CORO6: variants seen among roughly 807,000 people sequenced by gnomAD.
CORO6 encodes the protein coronin-6.
In CORO6, 43 loss-of-function variants were observed where a neutral mutation model predicts 49.0. The ratio of observed to expected loss-of-function variants is 0.88; its 90% CI spans 0.69 to 1.13. The LOEUF (loss-of-function observed/expected upper bound fraction) is 1.13, where lower values mean the gene tolerates loss of function less well. Ranked by LOEUF, CORO6 falls within the 50% of genes most tolerant of loss-of-function variation. CORO6 has a pLI of 0.00. For synonymous variants in CORO6, 233 were observed against 256.5 expected, an observed-to-expected ratio of 0.91 and a Z score of 0.88; for missense variants, 650 against 647.0, an observed-to-expected ratio of 1.00 and a Z score of -0.05.
chr17:29,618,353 C>T, intron 5 of CORO6: 1 of 1,290,680 alleles, frequency 7.7e-7, no homozygotes, highest in Non-Finnish European at 9.8e-7. Context: ...CGAGGGTTGC[C>T]CCATCCCCCG....
intron 5 of CORO6, chr17:29,617,941 C>T: frequency 1.0e-6 from 1 of 977,268 alleles, no homozygotes; most frequent in Non-Finnish European, 1.4e-6. Context: ...CGAATGGGAG[C>T]TCCCCGCTCC....
chr17:29,622,814 G>C lies in CORO6; in HGVS notation c.-190C>G, dbSNP rs1185548792. The C allele has an allele frequency of 7.6e-7, 1 of 1,311,096 alleles. No homozygotes were observed. Among genetic ancestry groups the C allele is most frequent in the Admixed American group, 2.2e-5 (1 of 44,470 alleles). 81.2% of individuals were successfully genotyped at this position (1,311,096 alleles called of 1,614,324 possible). A position where few individuals can be genotyped will look rare whatever the true frequency, so the allele number is the denominator to read the frequency against. The stretch of plus-strand genomic sequence containing the variant: ...CTCTCCGGGTGTCTGTAGTATCTGG[G>C]ACCCGGGTGTCCAGCTCCGCACTCT... On this transcript the variant is annotated 5_prime_UTR_variant, in exon 1 of 11. Transcript: ENST00000388767.
In CORO6 at chr17:29,616,709, T is replaced by G. The variant is rs996810824; in HGVS notation, c.997A>C (p.Ile333Leu). ...KRGLDVSKCE[I>L]ARFYKLHERK... is the part of the protein sequence containing the mutation. ...GGGGCCAAGGCTGCTGACCGGGCGA[T>G]CTCACACTTGCTGACATCCAGTCCC... The change falls in exon 8 of 11, where the codon ATC (isoleucine) becomes CTC (leucine). Residue 333 changes from isoleucine to leucine, a missense_variant. By Grantham distance (5) the Ile-to-Leu change is conservative. Transcript: ENST00000388767. This position sits in a 1 kb window ranked among gnomAD's most constrained non-coding sequence, Gnocchi z 5.6. 2 of 1,612,026 alleles carry G rather than the reference T, an allele frequency of 1.2e-6. No individual in the cohort carries two copies. Among genetic ancestry groups the G allele is most frequent in the Non-Finnish European group, 8.5e-7 (1 of 1,178,622 alleles).
chr17:29,617,224 C>T, intron 6 of CORO6, 182 bp from the exon 7 acceptor site: 8 of 1,536,726 alleles, frequency 5.2e-6, no homozygotes, highest in Non-Finnish European at 6.1e-6. Flanking sequence ...CATAGCTCCT[C>T]CTCCCCTGCA....
intron 5 of CORO6, chr17:29,618,231 G>T (rs1193863530): frequency 4.5e-6 from 6 of 1,322,560 alleles, no homozygotes; most frequent in Non-Finnish European, 5.8e-6. Context: ...CGGCGCGCTT[G>T]CTCCACGCAG....
rs2035293559 is a variant in CORO6, at chr17:29,621,267, T to G, written c.155A>C (p.Glu52Ala). The G allele has an allele frequency of 6.2e-7, 1 of 1,614,096 alleles. No homozygotes were observed. Among genetic ancestry groups the G allele is most frequent in the African/African-American group, 1.3e-5 (1 of 75,012 alleles). The change falls in exon 2 of 11, where the codon GAG becomes GCG. Residue 52 changes from glutamate to alanine, a missense_variant. Physicochemically the swap from Glu to Ala is moderately radical, Grantham distance 107. Transcript: ENST00000388767. This position sits in a 1 kb window ranked among gnomAD's most constrained non-coding sequence, Gnocchi z 4.2. Reference sequence around the variant, plus strand: ...GATGAAGGCACCCCCGCCTCCAGCCTCCACAATAATGGCCAGGAATTTGGG... The same window carrying G: ...GATGAAGGCACCCCCGCCTCCAGCCGCCACAATAATGGCCAGGAATTTGGG... ...VNPKFLAIIV[E>A]AGGGGAFIVL...
chr17:29,622,756 G>C lies in CORO6; in HGVS notation c.-132C>G. On this transcript the variant is annotated 5_prime_UTR_variant, in exon 1 of 11. Coordinates refer to ENST00000388767, the MANE Select transcript of CORO6 (RefSeq NM_032854.4). ...TGCGGAAGGGGCCCGAGTGCGTAGG[G>C]GGCCGAGGAAGGCTTCAGGGCGAAG... The C allele has an allele frequency of 3.0e-6, 4 of 1,322,184 alleles. No individual in the cohort carries two copies. Among genetic ancestry groups the C allele is most frequent in the South Asian group, 1.2e-5 (1 of 81,954 alleles). 81.9% of individuals were successfully genotyped at this position (1,322,184 alleles called of 1,614,324 possible).
At chr17:29,619,811 T>G in intron 2 of CORO6, 38 bp from the exon 3 acceptor site, 1 of 1,589,046 alleles carries the variant, frequency 6.3e-7, no homozygotes. Context: ...GCTACTCTCC[T>G]GTGTGTTTTT....
In CORO6 at chr17:29,614,811, G is replaced by T. The variant is rs1033774918; in HGVS notation, c.*921C>A. On this transcript the variant is annotated 3_prime_UTR_variant, in exon 11 of 11. Coordinates refer to ENST00000388767, the MANE Select transcript of CORO6 (RefSeq NM_032854.4). The stretch of plus-strand genomic sequence containing the variant: ...GGGGGGAACGCCTACGGTGTGGGTT[G>T]GGGTCCTTCTGAACCTCAGAGTGGA... The T allele has an allele frequency of 1.3e-5, 2 of 152,438 alleles. No individual in the cohort carries two copies. The highest frequency in any genetic ancestry group is 4.8e-5 in the African/African-American group (2 of 41,450). 9.4% of individuals were successfully genotyped at this position (152,438 alleles called of 1,614,324 possible). A position where few individuals can be genotyped will look rare whatever the true frequency, so the allele number is the denominator to read the frequency against.
Position 29,616,734 on chromosome 17 carries a change from C to T in CORO6, c.972G>A (p.Arg324=). 6.2e-7 allele frequency: 1 copy of T among 1,613,684 alleles called. No individual in the cohort carries two copies. The highest frequency in any genetic ancestry group is 8.5e-7 in the Non-Finnish European group (1 of 1,179,810). Residue 324 remains arginine (R), a synonymous_variant, in exon 8 of 11, where the codon AGG becomes AGA. Coordinates refer to ENST00000388767, the MANE Select transcript of CORO6 (RefSeq NM_032854.4). The surrounding 1 kb of genome is among the most constrained non-coding windows in gnomAD (Gnocchi z 5.6). The part of the protein sequence containing the change: ...PQRGMGFMPK[R]GLDVSKCEIA... ...TCTCACACTTGCTGACATCCAGTCC[C>T]CTTTTGGGCATGAAACCCATGCCCC...
chr17:29,617,222 C>T, intron 6 of CORO6, 180 bp from the exon 7 acceptor site: 1 of 1,536,816 alleles, frequency 6.5e-7, no homozygotes, highest in Non-Finnish European at 8.7e-7. Flanking sequence ...CACATAGCTC[C>T]TCCTCCCCTG....
intron 3 of CORO6, 97 bp from the exon 4 acceptor site, chr17:29,619,286 T>G: frequency 6.9e-7 from 1 of 1,449,324 alleles, no homozygotes; most frequent in East Asian, 2.3e-5. Context: ...CTGGCTCTCT[T>G]GAGTGGTAAG....
Position 29,619,122 on chromosome 17 carries a change from T to G in CORO6, c.389A>C (p.His130Pro). ...GGAGAGGATGCCCACACGCTTGGAG[T>G]GGCCCTCAAGTGTGATGATAGGTTC... The part of the protein sequence containing the change: ...ITEPIITLEG[H>P]SKRVGILSWH... Residue 130 changes from histidine to proline, a missense_variant, in exon 4 of 11, where the codon CAC becomes CCC. His to Pro is a moderately conservative substitution (Grantham distance 77, BLOSUM62 -2). Transcript: ENST00000388767. The G allele has an allele frequency of 6.2e-7, 1 of 1,613,496 alleles. No individual in the cohort carries two copies. The highest frequency in any genetic ancestry group is 8.5e-7 in the Non-Finnish European group (1 of 1,179,856).
At position 29,616,771 on chromosome 17, in the gene CORO6, T is replaced by G; in HGVS notation, c.935A>C (p.Lys312Thr). The G allele has an allele frequency of 1.2e-6, 2 of 1,613,850 alleles. No individual in the cohort carries two copies. The highest frequency in any genetic ancestry group is 1.7e-6 in the Non-Finnish European group (2 of 1,179,960). Residue 312 changes from lysine to threonine, a missense_variant, in exon 8 of 11, where the codon AAA becomes ACA. Transcript: ENST00000388767. The surrounding 1 kb of genome is among the most constrained non-coding windows in gnomAD (Gnocchi z 5.6). ...FVHYLNTFSS[K>T]EPQRGMGFMP... ...GAAACCCATGCCCCGCTGCGGCTCT[T>G]TGCTGCTGAACGTGTTCAGGTAGTG...
Position 29,615,310 on chromosome 17 carries a change from C to G in CORO6, c.*422G>C, listed in dbSNP as rs9903385. 532 of 164,002 alleles carry G rather than the reference C, an allele frequency of 3.2e-3. 1 individual carries two copies. The highest frequency in any genetic ancestry group is 0.012 in the African/African-American group (504 of 41,916). 10.2% of individuals were successfully genotyped at this position (164,002 alleles called of 1,614,324 possible). A position where few individuals can be genotyped will look rare whatever the true frequency, so the allele number is the denominator to read the frequency against. ...AATCCAGTGAGCTGATTAGGAGAAG[C>G]GCTGTCATTTTCCCCAGCCTGGGGG... On this transcript the variant is annotated 3_prime_UTR_variant, in exon 11 of 11. Transcript: ENST00000388767.
At chr17:29,618,582 A>G (rs2035131202) in intron 5 of CORO6, 1 of 1,399,238 alleles carries the variant, frequency 7.1e-7, no homozygotes, top group Non-Finnish European at 9.3e-7. Context: ...AGGGGAGGGA[A>G]CAGGAGCCGG....
rs1458394059 is a variant in CORO6 at position 29,616,698 on chromosome 17, T to A, written c.1004+4A>T. The A allele has an allele frequency of 3.7e-6, 6 of 1,611,268 alleles. No individual in the cohort carries two copies. The highest frequency in any genetic ancestry group is 5.1e-6 in the Non-Finnish European group (6 of 1,177,828). On this transcript the variant is annotated splice_donor_region_variant and intron_variant, in intron 8 of 10. Coordinates refer to ENST00000388767, the MANE Select transcript of CORO6 (RefSeq NM_032854.4). The surrounding 1 kb of genome is among the most constrained non-coding windows in gnomAD (Gnocchi z 5.6). The stretch of plus-strand genomic sequence containing the variant: ...GGTGTTCAGGAGGGGCCAAGGCTGC[T>A]GACCGGGCGATCTCACACTTGCTGA...
intron 5 of CORO6, chr17:29,618,066 T>A: frequency 6.7e-7 from 1 of 1,500,196 alleles, no homozygotes. Flanking sequence ...AGAGCGCGAG[T>A]TGCCGCTCAC....
Position 29,621,681 on chromosome 17 carries a change from A to G in CORO6, c.-63-197T>C, listed in dbSNP as rs1213781983. On this transcript the variant is annotated intron_variant, in intron 1 of 10. Transcript: ENST00000388767. This position sits in a 1 kb window ranked among gnomAD's most constrained non-coding sequence, Gnocchi z 4.2. ...AGGATTTGGGGCCTGAATTCTCCAC[A>G]GAGACCCAGGCTGAGGGGATTGTGG... 3 of 547,890 alleles carry G rather than the reference A, an allele frequency of 5.5e-6. No homozygotes were observed. Among genetic ancestry groups the G allele is most frequent in the Non-Finnish European group, 9.7e-6 (3 of 310,340 alleles). The allele number at this position is 547,890 out of a possible 1,614,324, so 33.9% of individuals were successfully genotyped here. A position where few individuals can be genotyped will look rare whatever the true frequency, so the allele number is the denominator to read the frequency against.
Sources: gnomAD v4.1 joint callset for allele counts on GRCh38, gnomAD v4.1.1 for gene constraint, Gnocchi (gnomAD v3.1) non-coding constraint, MANE v1.5 for transcripts, NCBI Gene and HGNC (gene_info 2026-07-23, HGNC 2026-07-21) for gene names.